FRRS1L: variants seen among roughly 807,000 people sequenced by gnomAD.
FRRS1L encodes the protein ferric chelate reductase 1 like.
Under a neutral mutation model 28.6 loss-of-function variants are expected in FRRS1L, and 22 were observed. That is an observed-to-expected ratio of 0.77 (90% CI 0.55 to 1.10). The LOEUF (loss-of-function observed/expected upper bound fraction) is 1.10, where lower values mean the gene tolerates loss of function less well. Among genes scored for constraint, FRRS1L ranks in the 50% least tolerant of loss-of-function variants. FRRS1L has a pLI of 0.00. For synonymous variants in FRRS1L, 158 were observed against 151.4 expected (o/e 1.04, Z -0.32); for missense variants, 380 against 386.9 (o/e 0.98, Z 0.15).
chr9:109,145,642 A>G (rs947457788), intron 3 of FRRS1L, among the ~76,000 whole-genome samples: 2 of 152,126 alleles, frequency 1.3e-5, no homozygotes, highest in Non-Finnish European at 2.9e-5. Context: ...TGAACCCAGG[A>G]GGCAAAGGTT....
At chr9:109,154,591 A>G (rs1192020980) in intron 1 of FRRS1L, among the ~76,000 whole-genome samples, 2 of 152,244 alleles carry the variant, frequency 1.3e-5, no homozygotes, top group Admixed American at 6.5e-5. Flanking sequence ...CCCTAGGTAC[A>G]CAGAATTAAA....
At chr9:109,157,090 T>C (rs747593167) in intron 1 of FRRS1L, among the ~76,000 whole-genome samples, 5 of 152,248 alleles carry the variant, frequency 3.3e-5, no homozygotes, top group Admixed American at 6.5e-5. Context: ...ATTATATGCA[T>C]ATCTTAATTT....
intron 1 of FRRS1L, among the ~76,000 whole-genome samples, chr9:109,166,352 A>T (rs1479029548): frequency 6.6e-6 from 1 of 152,082 alleles, no homozygotes; most frequent in East Asian, 1.9e-4. Flanking sequence ...GAGGGATGGG[A>T]GTGGGGAGGC....
At chr9:109,159,170 TA>T (rs1428431373) in intron 1 of FRRS1L, among the ~76,000 whole-genome samples, 1 of 152,220 alleles carries the variant, frequency 6.6e-6, no homozygotes, top group East Asian at 1.9e-4. Flanking sequence ...ATTATCTTTT[TA>T]TTAAGTTGTA....
At chr9:109,148,802 TC>T (rs1831294213) in intron 2 of FRRS1L, among the ~76,000 whole-genome samples, 1 of 152,128 alleles carries the variant, frequency 6.6e-6, no homozygotes, top group Non-Finnish European at 1.5e-5. Flanking sequence ...TCTCAAAATA[TC>T]CCCCAATCAC....
At chr9:109,152,864 A>G (rs991048987) in intron 1 of FRRS1L, among the ~76,000 whole-genome samples, 1 of 150,390 alleles carries the variant, frequency 6.6e-6, no homozygotes, top group African/African-American at 2.4e-5. Flanking sequence ...CTAAACTCCA[A>G]ATGAAAGCAA....
chr9:109,147,153 G>C lies in FRRS1L; in HGVS notation c.360C>G (p.Asp120Glu). 6.2e-7 allele frequency: 1 copy of C among 1,613,494 alleles called. No homozygotes were observed. Among genetic ancestry groups the C allele is most frequent in the Middle Eastern group, 1.6e-4 (1 of 6,062 alleles). Residue 120 changes from aspartate to glutamate, a missense_variant, in exon 3 of 5, where the codon GAC becomes GAG. Coordinates refer to ENST00000561981, the MANE Select transcript of FRRS1L (RefSeq NM_014334.4). Reference protein sequence around the residue: ...GKPGCNAETCDYFLSYRMIGA... With the variant: ...GKPGCNAETCEYFLSYRMIGA... ...CTATCATCCGGTAGCTGAGGAAATA[G>C]TCACAGGTCTCTGCATTACAGCCTG...
At chr9:109,163,936 A>G (rs1294980508) in intron 1 of FRRS1L, among the ~76,000 whole-genome samples, 1 of 152,078 alleles carries the variant, frequency 6.6e-6, no homozygotes, top group African/African-American at 2.4e-5. Flanking sequence ...TCCTGAAACC[A>G]TCGATAATTT....
intron 1 of FRRS1L, among the ~76,000 whole-genome samples, chr9:109,159,556 T>G (rs140432186): frequency 0.061 from 9,342 of 152,270 alleles, 353 homozygotes; most frequent in African/African-American, 0.085. Flanking sequence ...TCCCAGCTAC[T>G]TGGGAAGCTG....
intron 1 of FRRS1L, among the ~76,000 whole-genome samples, chr9:109,158,690 T>A (rs1588103549): frequency 6.6e-6 from 1 of 152,256 alleles, no homozygotes; most frequent in East Asian, 1.9e-4. Context: ...TCTGGCTAAA[T>A]AATATTCCAT....
intron 1 of FRRS1L, among the ~76,000 whole-genome samples, chr9:109,153,990 G>A (rs1280434729): frequency 6.6e-6 from 1 of 152,144 alleles, no homozygotes; most frequent in Admixed American, 6.5e-5. Flanking sequence ...AGGAAGGCAG[G>A]AGGAGGGAAA....
At chr9:109,144,336 T>C (rs1219604612) in intron 3 of FRRS1L, among the ~76,000 whole-genome samples, 1 of 152,144 alleles carries the variant, frequency 6.6e-6, no homozygotes, top group Non-Finnish European at 1.5e-5. Flanking sequence ...CTACAACCCA[T>C]ATATCCAATC....
rs1564232286 is a variant in FRRS1L, at chr9:109,149,706, T to C, written c.253A>G (p.Thr85Ala). ...GCAAATGGATCCACAGGAGGAGCAG[T>C]AGGGAAGGGGTAACCTGGGCAGTGA... ...YLSEEGYPFPTAPPVDPFAKI... is the reference protein window; with the variant it reads ...YLSEEGYPFPAAPPVDPFAKI... Residue 85 changes from threonine (T) to alanine (A), a missense_variant, in exon 2 of 5, where the codon ACT (threonine) becomes GCT (alanine). Transcript: ENST00000561981. 1.2e-6 allele frequency: 2 copies of C among 1,611,810 alleles called. No homozygotes were observed. The highest frequency in any genetic ancestry group is 1.7e-6 in the Non-Finnish European group (2 of 1,178,054).
intron 3 of FRRS1L, 110 bp from the exon 4 acceptor site, chr9:109,141,699 A>G (rs1588097129): frequency 8.0e-7 from 1 of 1,256,966 alleles, no homozygotes; most frequent in East Asian, 2.5e-5. Context: ...CCCACCAAAA[A>G]AATTCTTTTA....
In FRRS1L at chr9:109,134,027, C is replaced by T. The variant is rs1301977093; in HGVS notation, c.*3428G>A. The T allele has an allele frequency of 6.6e-6, 1 of 152,112 alleles. No homozygotes were observed. The highest frequency in any genetic ancestry group is 1.5e-5 in the Non-Finnish European group (1 of 68,002). The allele number at this position is 152,112 out of a possible 1,614,324, so 9.4% of individuals were successfully genotyped here. A position where few individuals can be genotyped will look rare whatever the true frequency, so the allele number is the denominator to read the frequency against. On this transcript the variant is annotated 3_prime_UTR_variant, in exon 5 of 5. Transcript: ENST00000561981. ...AAAATGATTACTGTTAGTACTGTTA[C>T]TAAGGATGTTTCTATTTATGTTTCA... is the stretch of plus-strand genomic sequence containing the variant.
Position 109,147,161 on chromosome 9 carries a change from T to A in FRRS1L, c.352A>T (p.Thr118Ser), listed in dbSNP as rs1352155811. The part of the protein sequence containing the change: ...RYGKPGCNAE[T>S]CDYFLSYRMI... Reference sequence around the variant, plus strand: ...CGGTAGCTGAGGAAATAGTCACAGGTCTCTGCATTACAGCCTGGTTTGCCA... The same window carrying A: ...CGGTAGCTGAGGAAATAGTCACAGGACTCTGCATTACAGCCTGGTTTGCCA... Residue 118 changes from threonine to serine, a missense_variant, in exon 3 of 5, where the codon ACC becomes TCC. Transcript: ENST00000561981. 1.7e-5 allele frequency: 28 copies of A among 1,613,550 alleles called. No homozygotes were observed. Among genetic ancestry groups the A allele is most frequent in the Non-Finnish European group, 2.4e-5 (28 of 1,179,494 alleles).
At chr9:109,149,590 A>T in intron 2 of FRRS1L, 46 bp downstream of exon 2, 1 of 1,268,590 alleles carries the variant, frequency 7.9e-7, no homozygotes, top group Non-Finnish European at 1.2e-6. Context: ...CCTGAGAAGT[A>T]AATCAGTCTT....
chr9:109,163,062 C>T (rs1831498640), intron 1 of FRRS1L, among the ~76,000 whole-genome samples: 1 of 152,224 alleles, frequency 6.6e-6, no homozygotes, highest in African/African-American at 2.4e-5. Flanking sequence ...GCTTCCCAAA[C>T]CTGGCCATCT....
intron 1 of FRRS1L, among the ~76,000 whole-genome samples, chr9:109,157,329 G>A (rs1439293845): frequency 6.6e-6 from 1 of 152,062 alleles, no homozygotes; most frequent in African/African-American, 2.4e-5. Flanking sequence ...TGTATTTGTG[G>A]GTTTTACATA....
Sources: gnomAD v4.1 joint callset for allele counts (sites outside exome capture counted in the v4.1 genomes callset) on GRCh38, gnomAD v4.1.1 for gene constraint, MANE v1.5 for transcripts, NCBI Gene and HGNC (gene_info 2026-07-23, HGNC 2026-07-21) for gene names.